Variants in ANKRD6 observed in about 807,000 individuals in gnomAD.
ANKRD6 encodes ankyrin repeat domain 6, also known as ankyrin repeat domain-containing protein 6.
A neutral mutation model predicts 82.3 loss-of-function variants in ANKRD6; 56 were observed. The ratio of observed to expected loss-of-function variants is 0.68; its 90% CI spans 0.55 to 0.85. ANKRD6 has a LOEUF of 0.85. Ranked by LOEUF, ANKRD6 falls within the 40% of genes least tolerant of loss-of-function variation. The pLI is 0.00. For missense variants in ANKRD6, 852 were observed against 907.6 expected, an observed-to-expected ratio of 0.94 and a Z score of 0.79; for synonymous variants, 347 against 352.1, an observed-to-expected ratio of 0.99 and a Z score of 0.16.
intron 1 of ANKRD6, among the ~76,000 whole-genome samples, chr6:89,469,369 T>A (rs997852502): frequency 6.6e-6 from 1 of 152,146 alleles, no homozygotes; most frequent in Non-Finnish European, 1.5e-5. Context: ...TCCTTTCAAT[T>A]TGTAAGTCCA....
At chr6:89,551,569 G>T (rs1785858079) in intron 1 of ANKRD6, among the ~76,000 whole-genome samples, 1 of 152,190 alleles carries the variant, frequency 6.6e-6, no homozygotes, top group Non-Finnish European at 1.5e-5. Flanking sequence ...TGAGATTAGG[G>T]AAGAGGCAAG....
intron 1 of ANKRD6, among the ~76,000 whole-genome samples, chr6:89,445,209 C>T (rs1010361933): frequency 6.7e-6 from 1 of 148,528 alleles, no homozygotes; most frequent in East Asian, 2.0e-4. Flanking sequence ...ATATTTCACA[C>T]TTTTTCTTTA....
intron 2 of ANKRD6, among the ~76,000 whole-genome samples, chr6:89,576,922 G>C (rs1791240334): frequency 6.6e-6 from 1 of 152,002 alleles, no homozygotes; most frequent in South Asian, 2.1e-4. Context: ...GCCTTCATGG[G>C]CATTTTTTAT....
chr6:89,575,206 CGCAG>C (rs1790837172), intron 2 of ANKRD6, among the ~76,000 whole-genome samples: 1 of 152,046 alleles, frequency 6.6e-6, no homozygotes, highest in Non-Finnish European at 1.5e-5. Context: ...CTTGCTTTTA[CGCAG>C]AAAGGGGAGG....
chr6:89,528,418 A>G (rs960983052), intron 1 of ANKRD6, among the ~76,000 whole-genome samples: 5 of 152,210 alleles, frequency 3.3e-5, no homozygotes, highest in African/African-American at 1.2e-4. Flanking sequence ...TTCAAGTTTT[A>G]TCATGAGATT....
At chr6:89,500,662 A>G (rs1474102799) in intron 1 of ANKRD6, among the ~76,000 whole-genome samples, 1 of 152,070 alleles carries the variant, frequency 6.6e-6, no homozygotes, top group African/African-American at 2.4e-5. Flanking sequence ...CAGGTCCCTA[A>G]TCTCCCAGGA....
At chr6:89,560,556 G>A (rs1380860086) in intron 1 of ANKRD6, among the ~76,000 whole-genome samples, 1 of 152,186 alleles carries the variant, frequency 6.6e-6, no homozygotes, top group East Asian at 1.9e-4. Context: ...GGGCACGGTG[G>A]CTCACGCCTA....
chr6:89,435,059 G>A lies in ANKRD6; in HGVS notation c.-144+1684G>A, dbSNP rs765239406. Among the ~76,000 whole-genome samples, 34 of 152,088 alleles carry A rather than the reference G, an allele frequency of 2.2e-4. 2 individuals are homozygous for A. Among genetic ancestry groups the A allele is most frequent in the Non-Finnish European group, 2.6e-4 (18 of 68,028 alleles). On this transcript the variant is annotated intron_variant, in intron 1 of 15. Transcript: ENST00000339746. ...CTTAGTCTCCCACTTAAACTCATCA[G>A]CCTCCCCAAAGCCTTTCCAGATAAG...
At chr6:89,435,935 G>A (rs1770586090) in intron 1 of ANKRD6, among the ~76,000 whole-genome samples, 1 of 152,056 alleles carries the variant, frequency 6.6e-6, no homozygotes, top group African/African-American at 2.4e-5. Flanking sequence ...GCTTTCCTTG[G>A]TGAATCTTAC....
intron 1 of ANKRD6, among the ~76,000 whole-genome samples, chr6:89,482,615 C>T (rs2011504472): frequency 1.3e-5 from 2 of 152,128 alleles, no homozygotes; most frequent in Admixed American, 6.5e-5. Context: ...GCCCCTTGCC[C>T]ACAAATGCAC....
chr6:89,500,761 G>A (rs146706694), intron 1 of ANKRD6, among the ~76,000 whole-genome samples: 4 of 152,268 alleles, frequency 2.6e-5, no homozygotes, highest in Non-Finnish European at 4.4e-5. Flanking sequence ...GAGCTATGAG[G>A]CTTTTAGTGG....
At chr6:89,445,162 C>G (rs1771907247) in intron 1 of ANKRD6, among the ~76,000 whole-genome samples, 1 of 151,602 alleles carries the variant, frequency 6.6e-6, no homozygotes, top group Non-Finnish European at 1.5e-5. Flanking sequence ...CATGTGCTCT[C>G]TCTGTGTCTC....
At chr6:89,455,658 T>C (rs1582688726) in intron 1 of ANKRD6, among the ~76,000 whole-genome samples, 1 of 152,112 alleles carries the variant, frequency 6.6e-6, no homozygotes, top group East Asian at 1.9e-4. Context: ...AAGATCTTGT[T>C]GTTTTAAAAG....
intron 1 of ANKRD6, among the ~76,000 whole-genome samples, chr6:89,461,512 A>G (rs1336218396): frequency 1.3e-5 from 2 of 152,208 alleles, no homozygotes; most frequent in Non-Finnish European, 2.9e-5. Context: ...AAGCCAACAT[A>G]TGTCCGTTGC....
intron 1 of ANKRD6, among the ~76,000 whole-genome samples, chr6:89,436,239 G>C (rs187555143): frequency 2.2e-4 from 33 of 152,294 alleles, no homozygotes; most frequent in African/African-American, 7.5e-4. Flanking sequence ...CCTTGGGATC[G>C]TGTTGGACAC....
chr6:89,448,857 C>A (rs1046591433), intron 1 of ANKRD6, among the ~76,000 whole-genome samples: 1 of 151,708 alleles, frequency 6.6e-6, no homozygotes, highest in Non-Finnish European at 1.5e-5. Flanking sequence ...GGTGAAACCC[C>A]GTTTCTACTA....
At chr6:89,509,972 C>T (rs780156288) in intron 1 of ANKRD6, among the ~76,000 whole-genome samples, 5 of 152,202 alleles carry the variant, frequency 3.3e-5, no homozygotes, top group Non-Finnish European at 5.9e-5. Flanking sequence ...GTTTTCCAGG[C>T]ATGTGATGGG....
At chr6:89,538,387 C>T (rs1784098956) in intron 1 of ANKRD6, among the ~76,000 whole-genome samples, 2 of 152,132 alleles carry the variant, frequency 1.3e-5, no homozygotes, top group Admixed American at 1.3e-4. Flanking sequence ...GCTGCAACAT[C>T]CAAGCACATG....
At chr6:89,460,304 CTGACT>C (rs1351645549) in intron 1 of ANKRD6, among the ~76,000 whole-genome samples, 1 of 151,430 alleles carries the variant, frequency 6.6e-6, no homozygotes, top group Non-Finnish European at 1.5e-5. Context: ...CTCCTAGATC[CTGACT>C]TTTTTTCTTT....
Sources: allele counts gnomAD v4.1 joint callset (sites outside exome capture counted in the v4.1 genomes callset), GRCh38; gene constraint gnomAD v4.1.1; transcripts MANE v1.5; gene names NCBI Gene and HGNC (gene_info 2026-07-23, HGNC 2026-07-21).